GGNBP2: variants seen among roughly 807,000 people sequenced by gnomAD.
The protein encoded by GGNBP2 is gametogenetin-binding protein 2.
Under a neutral mutation model 85.9 loss-of-function variants are expected in GGNBP2, and 10 were observed. The ratio of observed to expected loss-of-function variants is 0.12; its 90% CI spans 0.07 to 0.20. GGNBP2 has a LOEUF of 0.20. Among genes scored for constraint, GGNBP2 ranks in the 10% least tolerant of loss-of-function variants. GGNBP2 has a pLI of 1.00. For synonymous variants in GGNBP2, 287 were observed against 285.7 expected, an observed-to-expected ratio of 1.00 and a Z score of -0.05; for missense variants, 595 against 857.8, an observed-to-expected ratio of 0.69 and a Z score of 3.83.
At chr17:36,579,725 G>A (rs1362406282) in intron 8 of GGNBP2, among the ~76,000 whole-genome samples, 1 of 152,212 alleles carries the variant, frequency 6.6e-6, no homozygotes, top group Non-Finnish European at 1.5e-5. Context: ...AACATAACTA[G>A]TGAGGCTGGG....
At chr17:36,553,899 C>G (rs2074334946) in intron 2 of GGNBP2, among the ~76,000 whole-genome samples, 1 of 152,106 alleles carries the variant, frequency 6.6e-6, no homozygotes, top group Non-Finnish European at 1.5e-5. Context: ...ATTACACATT[C>G]CCATTATGTG....
chr17:36,575,342 G>T, intron 6 of GGNBP2: 1 of 389,394 alleles, frequency 2.6e-6, no homozygotes, highest in South Asian at 2.4e-5. Flanking sequence ...TTTTCTCAGA[G>T]AAGCATCTAT....
intron 2 of GGNBP2, chr17:36,546,199 A>G (rs1376601043): frequency 7.8e-6 from 3 of 385,494 alleles, no homozygotes; most frequent in Non-Finnish European, 1.4e-5. Context: ...ATTACCTGGT[A>G]ATGTCGCAGC....
chr17:36,573,211 C>A (rs1390046822), intron 6 of GGNBP2, among the ~76,000 whole-genome samples: 1 of 152,030 alleles, frequency 6.6e-6, no homozygotes, highest in Non-Finnish European at 1.5e-5. Flanking sequence ...CTCCCGAGTT[C>A]AAGTGATTCT....
At position 36,557,144 on chromosome 17, in the gene GGNBP2, T is replaced by C; in HGVS notation, c.236T>C (p.Val79Ala). 1 of 1,614,086 alleles carries C rather than the reference T, an allele frequency of 6.2e-7. No homozygotes were observed. Among genetic ancestry groups the C allele is most frequent in the Non-Finnish European group, 8.5e-7 (1 of 1,180,018 alleles). ...GCCATGGTGGTGACATCACGCGAAG[T>C]CCTGAGTGCACTTTCTCAGCTTGTC... ...SIAMVVTSRE[V>A]LSALSQLVPC... is the part of the protein sequence containing the mutation. The change falls in exon 4 of 14, where the codon GTC becomes GCC. Residue 79 changes from valine (V) to alanine (A), a missense_variant. By Grantham distance (64) the Val-to-Ala change is moderately conservative. Coordinates refer to ENST00000613102, the MANE Select transcript of GGNBP2 (RefSeq NM_024835.5).
At chr17:36,582,003 A>G (rs946871615) in intron 9 of GGNBP2, 1 of 152,102 alleles carries the variant, frequency 6.6e-6, no homozygotes, top group Non-Finnish European at 1.5e-5. Flanking sequence ...TCAGCTTCCC[A>G]AGTGGCTGGA....
chr17:36,560,818 G>A lies in GGNBP2; in HGVS notation c.474G>A (p.Lys158=), dbSNP rs760182410. ...DMIDAIPKSK[K]NKRCQLHSLD... is the part of the protein sequence containing the mutation. ...TAGATGCTATTCCAAAAAGTAAGAA[G>A]AATAAGAGATGTCAGTTGCACTCCT... Residue 158 remains lysine (K), a synonymous_variant, in exon 5 of 14, where the codon AAG becomes AAA. Coordinates refer to ENST00000613102, the MANE Select transcript of GGNBP2 (RefSeq NM_024835.5). The A allele has an allele frequency of 6.2e-7, 1 of 1,603,954 alleles. No individual in the cohort carries two copies. Among genetic ancestry groups the A allele is most frequent in the South Asian group, 1.1e-5 (1 of 88,982 alleles).
At chr17:36,567,882 C>G in intron 6 of GGNBP2, 106 bp downstream of exon 6, 1 of 574,418 alleles carries the variant, frequency 1.7e-6, no homozygotes. Flanking sequence ...TCTAGCCTTC[C>G]CTTTAATACT....
Position 36,579,346 on chromosome 17 carries a change from A to G in GGNBP2, c.947A>G (p.Lys316Arg). The change falls in exon 8 of 14, where the codon AAG (lysine) becomes AGG (arginine). Residue 316 changes from lysine (K) to arginine (R), a missense_variant. Lys to Arg is a conservative substitution (Grantham distance 26). This residue lies in a region of GGNBP2 where 92 missense variants were observed against 183.9 expected (regional missense o/e 0.50). Coordinates refer to ENST00000613102, the MANE Select transcript of GGNBP2 (RefSeq NM_024835.5). ...GAAAGACTGCATCGAATCTGGCAGAAGCTACGGGCAGAAGAGCAGACATGG... is the reference window on the plus strand; with the variant it reads ...GAAAGACTGCATCGAATCTGGCAGAGGCTACGGGCAGAAGAGCAGACATGG... ...LYERLHRIWQKLRAEEQTWQM... is the reference protein window; with the variant it reads ...LYERLHRIWQRLRAEEQTWQM... 3.7e-6 allele frequency: 6 copies of G among 1,614,222 alleles called. No individual in the cohort carries two copies. Among genetic ancestry groups the G allele is most frequent in the Non-Finnish European group, 5.1e-6 (6 of 1,180,018 alleles).
At chr17:36,565,419 C>G (rs933687987) in intron 5 of GGNBP2, among the ~76,000 whole-genome samples, 11 of 151,586 alleles carry the variant, frequency 7.3e-5, no homozygotes, top group African/African-American at 2.7e-4. Flanking sequence ...TAAATAAAAT[C>G]CTGATTTGAG....
intron 2 of GGNBP2, chr17:36,546,173 C>T (rs1318376795): frequency 5.0e-6 from 2 of 397,300 alleles, no homozygotes; most frequent in Non-Finnish European, 8.9e-6. Flanking sequence ...AAACCACCTA[C>T]CCTCGGGGAG....
At chr17:36,561,743 C>T (rs960301525) in intron 5 of GGNBP2, among the ~76,000 whole-genome samples, 1 of 151,962 alleles carries the variant, frequency 6.6e-6, no homozygotes, top group African/African-American at 2.4e-5. Flanking sequence ...CCTGCCCCAG[C>T]CTCCCGAGTA....
At chr17:36,556,077 G>A (rs375506201) in intron 3 of GGNBP2, among the ~76,000 whole-genome samples, 12 of 152,270 alleles carry the variant, frequency 7.9e-5, no homozygotes, top group East Asian at 5.8e-4. Context: ...TTTCCTATCC[G>A]TTTTTGGCAA....
rs1440776934 is a variant in GGNBP2, at chr17:36,587,120, G to A, written c.1765G>A (p.Glu589Lys). The change falls in exon 13 of 14, where the codon GAA becomes AAA. Residue 589 changes from glutamate to lysine, a missense_variant. Transcript: ENST00000613102. The part of the protein sequence containing the change: ...DTHPESCCSS[E>K]KGGQPLPWFE... ...ACATCCTGAAAGCTGTTGCAGCTCT[G>A]AAAAGGGTGGGCAGCCATTGCCTTG... The A allele has an allele frequency of 1.2e-6, 2 of 1,614,084 alleles. No individual in the cohort carries two copies. Among genetic ancestry groups the A allele is most frequent in the Admixed American group, 3.3e-5 (2 of 60,004 alleles).
intron 3 of GGNBP2, among the ~76,000 whole-genome samples, chr17:36,556,367 T>C (rs2074360765): frequency 6.6e-6 from 1 of 152,098 alleles, no homozygotes; most frequent in South Asian, 2.1e-4. Context: ...TAGCTAAACA[T>C]AGTGATAGTA....
In GGNBP2 at chr17:36,567,695, C is replaced by T. The variant is rs201874238; in HGVS notation, c.560C>T (p.Ser187Leu). The T allele has an allele frequency of 2.5e-6, 4 of 1,603,830 alleles. No individual in the cohort carries two copies. The highest frequency in any genetic ancestry group is 3.4e-6 in the Non-Finnish European group (4 of 1,171,528). Residue 187 changes from serine (S) to leucine (L), a missense_variant, in exon 6 of 14, where the codon TCG becomes TTG. Coordinates refer to ENST00000613102, the MANE Select transcript of GGNBP2 (RefSeq NM_024835.5). ...TGGATGGATGTATGGGAACTAATGT[C>T]GCAGGAATGCAGGGATGAAGTAGTT... is the stretch of plus-strand genomic sequence containing the variant. ...GCWMDVWELM[S>L]QECRDEVVLI... is the part of the protein sequence containing the mutation.
At chr17:36,568,944 T>C (rs2074495512) in intron 6 of GGNBP2, among the ~76,000 whole-genome samples, 1 of 152,004 alleles carries the variant, frequency 6.6e-6, no homozygotes, top group Non-Finnish European at 1.5e-5. Flanking sequence ...TTAGTAGAGA[T>C]GGGGTTTCAC....
In GGNBP2 at chr17:36,557,143, G is replaced by A. The variant is rs1351337757; in HGVS notation, c.235G>A (p.Val79Ile). The A allele has an allele frequency of 6.2e-7, 1 of 1,614,100 alleles. No individual in the cohort carries two copies. The highest frequency in any genetic ancestry group is 1.7e-5 in the Admixed American group (1 of 59,988). Residue 79 changes from valine (V) to isoleucine (I), a missense_variant, in exon 4 of 14, where the codon GTC becomes ATC. Coordinates refer to ENST00000613102, the MANE Select transcript of GGNBP2 (RefSeq NM_024835.5). ...TGCCATGGTGGTGACATCACGCGAA[G>A]TCCTGAGTGCACTTTCTCAGCTTGT... ...SIAMVVTSRE[V>I]LSALSQLVPC... is the part of the protein sequence containing the mutation.
intron 1 of GGNBP2, 64 bp from the exon 2 acceptor site, chr17:36,545,555 C>T (rs955929879): frequency 8.6e-5 from 50 of 582,790 alleles, no homozygotes; most frequent in South Asian, 1.7e-4. Flanking sequence ...CCGCTCCCTG[C>T]CCCCCGTGGC....
Sources: gnomAD v4.1 joint callset for allele counts (sites outside exome capture counted in the v4.1 genomes callset) on GRCh38, gnomAD v4.1.1 for gene constraint, gnomAD v4.1.1 regional missense constraint, MANE v1.5 for transcripts, NCBI Gene and HGNC (gene_info 2026-07-23, HGNC 2026-07-21) for gene names.